ODAD4: variants seen among roughly 807,000 people sequenced by gnomAD.
ODAD4 encodes outer dynein arm-docking complex subunit 4.
A neutral mutation model predicts 51.8 loss-of-function variants in ODAD4; 49 were observed. The ratio of observed to expected loss-of-function variants is 0.95; its 90% CI spans 0.75 to 1.20. The LOEUF (loss-of-function observed/expected upper bound fraction) is 1.20. ODAD4 is among the 50% of genes most tolerant of loss of function. The pLI is 0.00. For missense variants in ODAD4, 590 were observed against 586.5 expected, an observed-to-expected ratio of 1.01 and a Z score of -0.06; for synonymous variants, 235 against 221.3, an observed-to-expected ratio of 1.06 and a Z score of -0.55.
At chr17:41,941,435 G>A (rs141195787) in intron 7 of ODAD4, among the ~76,000 whole-genome samples, 29 of 152,240 alleles carry the variant, frequency 1.9e-4, no homozygotes, top group African/African-American at 6.0e-4. Flanking sequence ...TCAAGCTGCC[G>A]CCACCCATTC....
At chr17:41,958,131 C>T (rs1286121092) in intron 10 of ODAD4, among the ~76,000 whole-genome samples, 13 of 152,116 alleles carry the variant, frequency 8.5e-5, no homozygotes, top group Admixed American at 7.2e-4. Flanking sequence ...CTGGAATATT[C>T]TAAACCTTCC....
chr17:41,955,416 C>T (rs782385260), intron 10 of ODAD4, 99 bp downstream of exon 10: 4 of 649,500 alleles, frequency 6.2e-6, no homozygotes, highest in East Asian at 2.8e-5. Context: ...ATTCCACAGC[C>T]GTTTTTTTGT....
Position 41,939,120 on chromosome 17 carries a change from A to T in ODAD4, c.1006A>T (p.Met336Leu). 6.2e-7 allele frequency: 1 copy of T among 1,613,994 alleles called. No homozygotes were observed. ...IGNAQIELGQ[M>L]EAALQSHRKD... ...GAATGCCCAGATTGAGCTGGGGCAGATGGAGGCAGCCCTGCAGAGCCACAG... is the reference window on the plus strand; with the variant it reads ...GAATGCCCAGATTGAGCTGGGGCAGTTGGAGGCAGCCCTGCAGAGCCACAG... The change falls in exon 7 of 12, where the codon ATG (methionine) becomes TTG (leucine). Residue 336 changes from methionine (M) to leucine (L), a missense_variant. Around this residue, in one of 3 missense-constraint regions of ODAD4, gnomAD observed 4 missense variants for 16.3 expected, o/e 0.25. Transcript: ENST00000377540.
At chr17:41,962,705 G>A (rs1249004962) in intron 11 of ODAD4, among the ~76,000 whole-genome samples, 1 of 152,192 alleles carries the variant, frequency 6.6e-6, no homozygotes, top group Non-Finnish European at 1.5e-5. Flanking sequence ...TAGAACCCAC[G>A]CGTCGGCCCG....
At chr17:41,944,733 G>A (rs889879201) in intron 7 of ODAD4, among the ~76,000 whole-genome samples, 1 of 151,858 alleles carries the variant, frequency 6.6e-6, no homozygotes, top group Non-Finnish European at 1.5e-5. Context: ...GAGTTGCAGT[G>A]AGCCAAGATC....
At chr17:41,939,238 C>A (rs1356983659) in intron 7 of ODAD4, 66 bp downstream of exon 7, 2 of 1,464,238 alleles carry the variant, frequency 1.4e-6, no homozygotes, top group African/African-American at 2.8e-5. Flanking sequence ...CTATCTGAGG[C>A]CCTTGCCAGG....
chr17:41,938,364 G>C (rs2050455719), intron 5 of ODAD4, among the ~76,000 whole-genome samples, 193 bp from the exon 6 acceptor site: 2 of 152,206 alleles, frequency 1.3e-5, no homozygotes, highest in Admixed American at 1.3e-4. Flanking sequence ...CTCCCTGATA[G>C]TGGGGCTCTG....
chr17:41,960,954 C>A (rs2050798106), intron 10 of ODAD4, among the ~76,000 whole-genome samples: 1 of 152,174 alleles, frequency 6.6e-6, no homozygotes, highest in Non-Finnish European at 1.5e-5. Context: ...TTCTGGAAGG[C>A]CCTTCTGAAG....
In ODAD4 at chr17:41,939,777, G is replaced by T. The variant is rs868967616; in HGVS notation, c.1058+605G>T. On this transcript the variant is annotated intron_variant, in intron 7 of 11. Coordinates refer to ENST00000377540, the MANE Select transcript of ODAD4 (RefSeq NM_031421.5). Reference sequence around the variant, plus strand: ...AGGAAGTGGGCAGGGGATGGATCAAGCAGGGTCTTTTAAAACCGGTGCTGA... The same window carrying T: ...AGGAAGTGGGCAGGGGATGGATCAATCAGGGTCTTTTAAAACCGGTGCTGA... Among the ~76,000 whole-genome samples, 9 of 152,254 alleles carry T rather than the reference G, an allele frequency of 5.9e-5. No homozygotes were observed. In the Middle Eastern group the frequency reaches 0.01, roughly 173 times the overall value.
intron 9 of ODAD4, among the ~76,000 whole-genome samples, chr17:41,951,420 T>A (rs1555640105): frequency 1.3e-5 from 2 of 151,626 alleles, no homozygotes; most frequent in East Asian, 3.9e-4. Context: ...TTGAACTTTA[T>A]CCTTACAAGC....
intron 2 of ODAD4, 85 bp downstream of exon 2, chr17:41,935,433 C>T: frequency 6.4e-7 from 1 of 1,554,576 alleles, no homozygotes; most frequent in Non-Finnish European, 8.7e-7. Context: ...TAGAACCAGC[C>T]AGACTGCCTA....
At chr17:41,951,969 G>A (rs1399982289) in intron 9 of ODAD4, among the ~76,000 whole-genome samples, 3 of 151,834 alleles carry the variant, frequency 2.0e-5, no homozygotes, top group Non-Finnish European at 4.4e-5. Flanking sequence ...AAGCCAAGGT[G>A]GGAGGATCGG....
chr17:41,944,442 ACAC>A (rs1419939701), intron 7 of ODAD4, among the ~76,000 whole-genome samples: 26 of 5,520 alleles, frequency 4.7e-3, no homozygotes, highest in Middle Eastern at 0.071. Flanking sequence ...ACACACACAC[ACAC>A]CCCCCCGCAT....
Position 41,938,946 on chromosome 17 carries a change from C to T in ODAD4, c.851-19C>T. On this transcript the variant is annotated intron_variant, in intron 6 of 11. Coordinates refer to ENST00000377540, the MANE Select transcript of ODAD4 (RefSeq NM_031421.5). ...GAGGAGGCTGCCCTGGCCTCCACAG[C>T]ACCCCTTTCCTTTCTCAGTGCTCAC... is the stretch of plus-strand genomic sequence containing the variant. The T allele has an allele frequency of 1.2e-6, 2 of 1,603,036 alleles. No individual in the cohort carries two copies. Among genetic ancestry groups the T allele is most frequent in the Middle Eastern group, 1.7e-4 (1 of 6,050 alleles).
intron 11 of ODAD4, 25 bp downstream of exon 11, chr17:41,961,491 G>A: frequency 1.4e-6 from 1 of 719,792 alleles, no homozygotes; most frequent in Non-Finnish European, 2.6e-6. Flanking sequence ...CTCTGAAAAG[G>A]CAACTTCAGC....
At chr17:41,942,813 T>A (rs1485822503) in intron 7 of ODAD4, among the ~76,000 whole-genome samples, 1 of 152,166 alleles carries the variant, frequency 6.6e-6, no homozygotes, top group Non-Finnish European at 1.5e-5. Context: ...TCGAAACCGG[T>A]TCAGCCCTCA....
chr17:41,939,211 GAGA>G (rs1555638390), intron 7 of ODAD4, 39 bp downstream of exon 7: 9 of 1,574,434 alleles, frequency 5.7e-6, no homozygotes, highest in East Asian at 2.3e-5. Context: ...TGAGCCTACG[GAGA>G]AGGACACCTG....
intron 5 of ODAD4, 27 bp downstream of exon 5, chr17:41,936,954 C>T (rs782382258): frequency 2.5e-6 from 4 of 1,608,812 alleles, no homozygotes; most frequent in South Asian, 1.1e-5. Flanking sequence ...TGGCACGGGG[C>T]CTTGGGGGAA....
intron 7 of ODAD4, among the ~76,000 whole-genome samples, chr17:41,944,152 G>C (rs1042987777): frequency 6.6e-6 from 1 of 150,648 alleles, no homozygotes; most frequent in Non-Finnish European, 1.5e-5. Flanking sequence ...AGCTGAGATC[G>C]TGCTATTGCA....
Sources: gnomAD v4.1 joint callset for allele counts (sites outside exome capture counted in the v4.1 genomes callset) on GRCh38, gnomAD v4.1.1 for gene constraint, gnomAD v4.1.1 regional missense constraint, MANE v1.5 for transcripts, NCBI Gene and HGNC (gene_info 2026-07-23, HGNC 2026-07-21) for gene names.